The following IQSEC1 variants were observed in gnomAD, a reference collection of about 807,000 sequenced individuals.
IQSEC1 encodes IQ motif and Sec7 domain ArfGEF 1.
A neutral mutation model predicts 91.0 loss-of-function variants in IQSEC1; 31 were observed. The observed-to-expected ratio is 0.34, with a 90% CI of 0.26 to 0.46. The LOEUF (loss-of-function observed/expected upper bound fraction) is 0.46. IQSEC1 is among the 20% of genes least tolerant of loss of function. The pLI, the probability that IQSEC1 is intolerant of heterozygous loss-of-function variation, is 1.00. For missense variants in IQSEC1, 1,388 were observed against 1,575.6 expected (o/e 0.88, Z 2.02); for synonymous variants, 699 against 662.6 (o/e 1.05, Z -0.84).
chr3:13,027,281 C>T (rs1291031272), intron 1 of IQSEC1, among the ~76,000 whole-genome samples: 1 of 152,206 alleles, frequency 6.6e-6, no homozygotes, highest in Non-Finnish European at 1.5e-5. Context: ...TTGTCTCGGG[C>T]CTAGGATGGC....
At chr3:13,059,178 T>C (rs1704980560) in intron 1 of IQSEC1, among the ~76,000 whole-genome samples, 2 of 152,044 alleles carry the variant, frequency 1.3e-5, no homozygotes, top group South Asian at 4.2e-4. Context: ...CCTCCCTGGG[T>C]GTCCCATAGG....
At chr3:13,268,866 G>A (rs1263469844) in intron 1 of IQSEC1, among the ~76,000 whole-genome samples, 1 of 152,180 alleles carries the variant, frequency 6.6e-6, no homozygotes, top group Non-Finnish European at 1.5e-5. Context: ...GAGGGAAGAT[G>A]CAAGCCCCCA....
chr3:13,189,407 C>T (rs940317424), intron 1 of IQSEC1, among the ~76,000 whole-genome samples: 2 of 152,292 alleles, frequency 1.3e-5, no homozygotes, highest in African/African-American at 2.4e-5. Flanking sequence ...CCAACACCTG[C>T]CCTCCTCCCC....
intron 8 of IQSEC1, among the ~76,000 whole-genome samples, chr3:12,914,522 G>A (rs1695881675): frequency 6.6e-6 from 1 of 152,216 alleles, no homozygotes; most frequent in African/African-American, 2.4e-5. Flanking sequence ...GAGGATGGGA[G>A]GGTTCGGGGA....
At chr3:13,121,597 C>T (rs745706270) in intron 2 of IQSEC1, among the ~76,000 whole-genome samples, 83 of 152,170 alleles carry the variant, frequency 5.5e-4, no homozygotes, top group Non-Finnish European at 9.7e-4. Context: ...GTCATGCACC[C>T]GTAATTGATG....
chr3:12,898,991 A>G lies in IQSEC1; in HGVS notation c.*1992T>C, dbSNP rs1693933151. On this transcript the variant is annotated 3_prime_UTR_variant, in exon 14 of 14. Coordinates refer to ENST00000613206, the MANE Select transcript of IQSEC1 (RefSeq NM_001134382.3). ...CACGGTCCCATGCTGTTTCTTTCTGAGCAGACACCAAAGAAATGCCACGCC... is the reference window on the plus strand; with the variant it reads ...CACGGTCCCATGCTGTTTCTTTCTGGGCAGACACCAAAGAAATGCCACGCC... The G allele has an allele frequency of 1.4e-4, 32 of 223,188 alleles. No individual in the cohort carries two copies. The South Asian group carries it at 2.1e-3, about 15-fold the overall frequency. 13.8% of individuals were successfully genotyped at this position (223,188 alleles called of 1,614,324 possible). A position where few individuals can be genotyped will look rare whatever the true frequency, so the allele number is the denominator to read the frequency against.
chr3:13,129,719 G>A (rs887095597), intron 2 of IQSEC1, among the ~76,000 whole-genome samples: 15 of 142,562 alleles, frequency 1.1e-4, no homozygotes, highest in Admixed American at 2.2e-4. Context: ...GTGCAGTGAC[G>A]CCATCTCAGC....
intron 1 of IQSEC1, among the ~76,000 whole-genome samples, chr3:13,223,421 CT>C (rs1694697123): frequency 6.6e-6 from 1 of 152,232 alleles, no homozygotes; most frequent in African/African-American, 2.4e-5. Context: ...GCCTCCACCC[CT>C]GGGGAGTGGA....
intron 1 of IQSEC1, among the ~76,000 whole-genome samples, chr3:12,985,104 G>A (rs546868627): frequency 1.1e-3 from 174 of 152,310 alleles, no homozygotes; most frequent in Non-Finnish European, 2.1e-3. Flanking sequence ...GATTACAGGC[G>A]TGAGCCACCG....
intron 1 of IQSEC1, among the ~76,000 whole-genome samples, chr3:13,206,505 T>C (rs769004806): frequency 5.3e-5 from 8 of 152,258 alleles, no homozygotes; most frequent in Non-Finnish European, 1.0e-4. Flanking sequence ...GTAGTTGATA[T>C]GTTCATCTCC....
At chr3:12,964,729 C>A (rs990769028) in intron 1 of IQSEC1, among the ~76,000 whole-genome samples, 22 of 152,292 alleles carry the variant, frequency 1.4e-4, no homozygotes, top group African/African-American at 5.1e-4. Flanking sequence ...GCCCTTCTTT[C>A]CTTAAGTCTC....
At chr3:13,136,953 A>G (rs760284483) in intron 2 of IQSEC1, among the ~76,000 whole-genome samples, 41 of 152,174 alleles carry the variant, frequency 2.7e-4, no homozygotes, top group Non-Finnish European at 4.4e-4. Context: ...CCTGGGCAAC[A>G]TAGTGAGACC....
At chr3:12,976,633 G>A (rs1394224965) in intron 1 of IQSEC1, among the ~76,000 whole-genome samples, 2 of 152,102 alleles carry the variant, frequency 1.3e-5, no homozygotes, top group Admixed American at 6.5e-5. Context: ...CTGTCTCATC[G>A]ATTCCCTTTA....
chr3:13,281,528 G>A (rs1695789599), intron 1 of IQSEC1, among the ~76,000 whole-genome samples: 1 of 152,018 alleles, frequency 6.6e-6, no homozygotes, highest in Admixed American at 6.5e-5. Flanking sequence ...GAGCCCCCCA[G>A]CCCCACCCGC....
intron 4 of IQSEC1, among the ~76,000 whole-genome samples, chr3:12,923,099 G>A (rs903348369): frequency 6.6e-6 from 1 of 152,108 alleles, no homozygotes; most frequent in African/African-American, 2.4e-5. Context: ...AGGTGACTTC[G>A]GAGCAGTGGG....
chr3:13,010,686 G>A (rs556559324), intron 1 of IQSEC1, among the ~76,000 whole-genome samples: 2 of 152,272 alleles, frequency 1.3e-5, no homozygotes, highest in African/African-American at 4.8e-5. Context: ...CCAGTCTGGG[G>A]TGCCTCTTTT....
At chr3:12,962,808 G>A (rs932577753) in intron 1 of IQSEC1, among the ~76,000 whole-genome samples, 3 of 152,240 alleles carry the variant, frequency 2.0e-5, no homozygotes, top group African/African-American at 7.2e-5. Context: ...CAGCTCTTGG[G>A]TTCTGTGGGG....
intron 2 of IQSEC1, among the ~76,000 whole-genome samples, chr3:13,135,915 G>A (rs1454306526): frequency 1.3e-5 from 2 of 152,208 alleles, no homozygotes; most frequent in African/African-American, 2.4e-5. Context: ...TAGCATCGTG[G>A]ACATGAGAGG....
chr3:13,107,312 T>C (rs1706166324), intron 2 of IQSEC1, among the ~76,000 whole-genome samples: 1 of 152,260 alleles, frequency 6.6e-6, no homozygotes, highest in Non-Finnish European at 1.5e-5. Flanking sequence ...CTAGATCCTC[T>C]ATAAATTATT....
Sources: gnomAD v4.1 joint callset for allele counts (sites outside exome capture counted in the v4.1 genomes callset) on GRCh38, gnomAD v4.1.1 for gene constraint, MANE v1.5 for transcripts, NCBI Gene and HGNC (gene_info 2026-07-23, HGNC 2026-07-21) for gene names.